CHAF1A: variants seen among roughly 807,000 people sequenced by gnomAD.
CHAF1A encodes the protein CAF-1 subunit A.
Under a neutral mutation model 93.2 loss-of-function variants are expected in CHAF1A, and 5 were observed. The observed-to-expected ratio is 0.05, with a 90% CI of 0.03 to 0.11. The LOEUF is 0.11. CHAF1A is among the 10% of genes least tolerant of loss of function. The probability of loss-of-function intolerance (pLI) is 1.00; values close to 1 mark genes in which losing one functional copy is unlikely to be tolerated. For synonymous variants in CHAF1A, 504 were observed against 510.3 expected, an observed-to-expected ratio of 0.99 and a Z score of 0.17; for missense variants, 1,102 against 1,259.9, an observed-to-expected ratio of 0.87 and a Z score of 1.90.
chr19:4,426,329 C>T (rs764239086), intron 7 of CHAF1A, among the ~76,000 whole-genome samples: 18 of 150,940 alleles, frequency 1.2e-4, no homozygotes, highest in Non-Finnish European at 2.2e-4. Flanking sequence ...CACCATGCCC[C>T]GCTAATTTTT....
At chr19:4,411,622 ATGT>A (rs1413393505) in intron 3 of CHAF1A, among the ~76,000 whole-genome samples, 1 of 133,982 alleles carries the variant, frequency 7.5e-6, no homozygotes, top group Non-Finnish European at 1.6e-5. Context: ...GGTTTATGAA[ATGT>A]TGTAAAAATG....
At chr19:4,445,204 G>A (rs1050094067), downstream of CHAF1A, 12 of 383,240 alleles carry the variant, frequency 3.1e-5, no homozygotes, top group South Asian at 5.0e-5. Context: ...GAGATGCCAC[G>A]TGTGTCTGTC....
downstream of CHAF1A, chr19:4,447,577 C>A: frequency 3.7e-6 from 6 of 1,613,868 alleles, no homozygotes; most frequent in Non-Finnish European, 5.1e-6. Flanking sequence ...GCAGCTTGAT[C>A]TTCCGGTACT....
downstream of CHAF1A, chr19:4,447,362 GGT>G (rs1216909948): frequency 2.4e-5 from 15 of 616,080 alleles, no homozygotes; most frequent in Non-Finnish European, 3.8e-5. Flanking sequence ...TGGGGTGACC[GGT>G]GCATAAAAGT....
At chr19:4,442,495 G>A (rs576046642) in intron 14 of CHAF1A, among the ~76,000 whole-genome samples, 154 bp downstream of exon 14, 91 of 152,310 alleles carry the variant, frequency 6.0e-4, no homozygotes, top group African/African-American at 2.1e-3. Context: ...CCACATCCTC[G>A]GGCGGGCTGG....
At chr19:4,448,210 A>G (rs1240291036), downstream of CHAF1A, 31 of 1,041,188 alleles carry the variant, frequency 3.0e-5, no homozygotes, top group East Asian at 8.0e-4. Context: ...CTCCTTCCCA[A>G]CCCACCTCAG....
At position 4,403,368 on chromosome 19, in the gene CHAF1A, AT is replaced by A. The variant is rs1599633170; in HGVS notation, c.52+555del. ...GACTTCCTCCTCCGTGTGCCTTGGA[AT>A]GGGGTCTTTGGAGCCCACCACAGGC... On this transcript the variant is annotated intron_variant, in intron 1 of 14. Coordinates refer to ENST00000301280, the MANE Select transcript of CHAF1A (RefSeq NM_005483.3). Among the ~76,000 whole-genome samples, 3 of 152,252 alleles carry A rather than the reference AT, an allele frequency of 2.0e-5. No individual in the cohort carries two copies. The East Asian group carries it at 5.8e-4, about 29-fold the overall frequency.
At chr19:4,418,987 C>G (rs551147402) in intron 4 of CHAF1A, among the ~76,000 whole-genome samples, 3 of 151,120 alleles carry the variant, frequency 2.0e-5, no homozygotes, top group African/African-American at 7.3e-5. Flanking sequence ...CTCAGCCTCC[C>G]GAGTAGCTGG....
downstream of CHAF1A, chr19:4,448,555 G>A: frequency 1.4e-6 from 1 of 704,714 alleles, no homozygotes; most frequent in East Asian, 2.7e-5. Context: ...TCACAGAAAG[G>A]AAAAGAGAGA....
intron 11 of CHAF1A, among the ~76,000 whole-genome samples, chr19:4,431,568 CCTGAA>C (rs1974183448): frequency 6.6e-6 from 1 of 152,090 alleles, no homozygotes; most frequent in Non-Finnish European, 1.5e-5. Flanking sequence ...ACCACCGAGG[CCTGAA>C]CTGTCAGTCA....
Position 4,409,463 on chromosome 19 carries a change from C to G in CHAF1A, c.664C>G (p.Gln222Glu). The G allele has an allele frequency of 6.2e-7, 1 of 1,614,072 alleles. No homozygotes were observed. ...SGPRMCPRKE[Q>E]DSWSEAGGIL... ...CCCGAGAATGTGCCCCAGAAAGGAG[C>G]AGGACAGTTGGAGTGAAGCTGGGGG... Residue 222 changes from glutamine to glutamate, a missense_variant, in exon 3 of 15, where the codon CAG (glutamine) becomes GAG (glutamate). Transcript: ENST00000301280.
chr19:4,418,609 G>T (rs1418232305), intron 4 of CHAF1A, among the ~76,000 whole-genome samples: 2 of 151,752 alleles, frequency 1.3e-5, no homozygotes, highest in African/African-American at 2.4e-5. Flanking sequence ...TAGAGACGGG[G>T]TTTCACCATG....
chr19:4,415,486 T>C (rs1013903860), intron 3 of CHAF1A, among the ~76,000 whole-genome samples: 1 of 152,190 alleles, frequency 6.6e-6, no homozygotes, highest in Non-Finnish European at 1.5e-5. Context: ...CGTATTATAA[T>C]CTCTGAACAC....
At chr19:4,427,835 G>A (rs1017074623) in intron 7 of CHAF1A, among the ~76,000 whole-genome samples, 7 of 151,128 alleles carry the variant, frequency 4.6e-5, no homozygotes, top group African/African-American at 1.5e-4. Context: ...CAATCCACCC[G>A]CCTCGGCCTC....
chr19:4,411,609 T>G (rs368234986), intron 3 of CHAF1A, among the ~76,000 whole-genome samples: 14 of 149,096 alleles, frequency 9.4e-5, no homozygotes, highest in African/African-American at 3.2e-4. Flanking sequence ...GGCTTCCTCT[T>G]TAGGTTTATG....
At position 4,409,140 on chromosome 19, in the gene CHAF1A, C is replaced by A; in HGVS notation, c.341C>A (p.Thr114Lys). ...NRIETSIGQS[T>K]VIIDLTEDSN... Reference sequence around the variant, plus strand: ...ATCGAAACCAGTATTGGCCAGAGCACAGTCATCATTGATTTGACAGAGGAC... The same window carrying A: ...ATCGAAACCAGTATTGGCCAGAGCAAAGTCATCATTGATTTGACAGAGGAC... Residue 114 changes from threonine (T) to lysine (K), a missense_variant, in exon 3 of 15, where the codon ACA becomes AAA. Thr to Lys is a moderately conservative substitution (Grantham distance 78). Transcript: ENST00000301280. 1 of 1,614,202 alleles carries A rather than the reference C, an allele frequency of 6.2e-7. No homozygotes were observed. The highest frequency in any genetic ancestry group is 1.3e-5 in the African/African-American group (1 of 75,048).
In CHAF1A at chr19:4,429,571, C is replaced by T; in HGVS notation, c.1738C>T (p.Leu580Phe). ...YWGTWNKKTALIRARDPWAQD... is the reference protein window; with the variant it reads ...YWGTWNKKTAFIRARDPWAQD... ...GGGTACCTGGAATAAGAAGACGGCA[C>T]TCATCCGCGCGCGAGACCCCTGGGC... is the stretch of plus-strand genomic sequence containing the variant. The change falls in exon 9 of 15, where the codon CTC becomes TTC. Residue 580 changes from leucine (L) to phenylalanine (F), a missense_variant. By Grantham distance (22) the Leu-to-Phe change is conservative. Coordinates refer to ENST00000301280, the MANE Select transcript of CHAF1A (RefSeq NM_005483.3). 4 of 1,614,076 alleles carry T rather than the reference C, an allele frequency of 2.5e-6. No individual in the cohort carries two copies. The South Asian group carries it at 4.4e-5, about 18-fold the overall frequency.
rs45499793 is a variant in CHAF1A at position 4,432,126 on chromosome 19, G to A, written c.2122G>A (p.Ala708Thr). 1,142 of 1,613,632 alleles carry A rather than the reference G, an allele frequency of 7.1e-4. 2 individuals carry two copies. The highest frequency in any genetic ancestry group is 2.5e-3 in the Middle Eastern group (15 of 5,986). ...GDDLKVLQQF[A>T]ACFLETLPAQ... is the part of the protein sequence containing the mutation. Reference sequence around the variant, plus strand: ...TGACCTGAAGGTACTGCAGCAGTTCGCAGCCTGCTTCCTGGAGACCCTGCC... The same window carrying A: ...TGACCTGAAGGTACTGCAGCAGTTCACAGCCTGCTTCCTGGAGACCCTGCC... The change falls in exon 12 of 15, where the codon GCA becomes ACA. Residue 708 changes from alanine to threonine, a missense_variant. Transcript: ENST00000301280.
chr19:4,420,301 G>A (rs1199342039), intron 4 of CHAF1A, among the ~76,000 whole-genome samples: 7 of 151,898 alleles, frequency 4.6e-5, no homozygotes, highest in Admixed American at 6.6e-5. Context: ...GGAGTGCAGC[G>A]GCGTGATCTC....
Sources: gnomAD v4.1 joint callset for allele counts (sites outside exome capture counted in the v4.1 genomes callset) on GRCh38, gnomAD v4.1.1 for gene constraint, MANE v1.5 for transcripts, NCBI Gene and HGNC (gene_info 2026-07-23, HGNC 2026-07-21) for gene names.